Variants in GHR observed in about 807,000 individuals in gnomAD.
The protein encoded by GHR is growth hormone receptor.
GHR carries 35 observed loss-of-function variants against 67.1 expected under a neutral mutation model. The observed-to-expected ratio is 0.52, with a 90% CI of 0.40 to 0.69. The LOEUF is 0.69. Among genes scored for constraint, GHR ranks in the 30% least tolerant of loss-of-function variants. GHR has a pLI of 0.00. For missense variants in GHR, 792 were observed against 764.6 expected, an observed-to-expected ratio of 1.04 and a Z score of -0.42; for synonymous variants, 272 against 269.1, an observed-to-expected ratio of 1.01 and a Z score of -0.10.
chr5:42,687,099 T>A (rs1402022177), intron 3 of GHR, among the ~76,000 whole-genome samples: 1 of 152,022 alleles, frequency 6.6e-6, no homozygotes, highest in African/African-American at 2.4e-5. Context: ...ATAAAATACC[T>A]AGGAATACAA....
At chr5:42,709,834 C>T (rs1321076741) in intron 6 of GHR, among the ~76,000 whole-genome samples, 1 of 152,066 alleles carries the variant, frequency 6.6e-6, no homozygotes, top group Non-Finnish European at 1.5e-5. Flanking sequence ...AGGCAGATGA[C>T]AGGGTTAGGT....
At chr5:42,528,994 C>A (rs1561098241) in intron 1 of GHR, among the ~76,000 whole-genome samples, 1 of 150,408 alleles carries the variant, frequency 6.6e-6, no homozygotes, top group Non-Finnish European at 1.5e-5. Flanking sequence ...TACTAGACTA[C>A]AACAGATTAT....
At chr5:42,711,463 A>T in intron 7 of GHR, 91 bp downstream of exon 7, 1 of 873,282 alleles carries the variant, frequency 1.1e-6, no homozygotes, top group Admixed American at 1.7e-5. Context: ...GTGTTGTCCA[A>T]ATCAAAATAT....
chr5:42,510,475 AT>A (rs1413338794), intron 1 of GHR, among the ~76,000 whole-genome samples: 1 of 152,170 alleles, frequency 6.6e-6, no homozygotes, highest in Non-Finnish European at 1.5e-5. Context: ...CTATAACGCT[AT>A]TTATGTGTTC....
intron 1 of GHR, among the ~76,000 whole-genome samples, chr5:42,428,835 A>G (rs1742966705): frequency 6.6e-6 from 1 of 152,206 alleles, no homozygotes; most frequent in East Asian, 1.9e-4. Flanking sequence ...GGTCAAAGCC[A>G]TTCAACAAGT....
intron 2 of GHR, among the ~76,000 whole-genome samples, chr5:42,602,900 A>G (rs557835433): frequency 1.1e-4 from 16 of 152,276 alleles, no homozygotes; most frequent in African/African-American, 3.8e-4. Context: ...TTTATAGTAG[A>G]ATGAACATAT....
intron 1 of GHR, among the ~76,000 whole-genome samples, chr5:42,475,928 C>T (rs1376408466): frequency 4.3e-5 from 5 of 116,496 alleles, no homozygotes; most frequent in South Asian, 5.0e-4. Flanking sequence ...TTTTTTGAGA[C>T]GGAGTCTCGC....
intron 3 of GHR, among the ~76,000 whole-genome samples, chr5:42,664,475 G>A (rs946350317): frequency 3.3e-5 from 5 of 152,248 alleles, no homozygotes; most frequent in African/African-American, 9.6e-5. Flanking sequence ...ACAAACCTGA[G>A]AAAAACAAGC....
At chr5:42,649,850 G>C (rs951792169) in intron 3 of GHR, among the ~76,000 whole-genome samples, 4 of 152,148 alleles carry the variant, frequency 2.6e-5, no homozygotes, top group Non-Finnish European at 5.9e-5. Context: ...ACAAGGATTT[G>C]GTTTAACTGC....
intron 1 of GHR, among the ~76,000 whole-genome samples, chr5:42,425,251 G>T (rs1330514657): frequency 1.3e-5 from 2 of 152,184 alleles, no homozygotes; most frequent in Non-Finnish European, 2.9e-5. Flanking sequence ...ACAGACACAG[G>T]TTGGAGCTAT....
intron 1 of GHR, among the ~76,000 whole-genome samples, chr5:42,537,767 C>T (rs1398188565): frequency 6.6e-6 from 1 of 152,038 alleles, no homozygotes; most frequent in Non-Finnish European, 1.5e-5. Context: ...TTGAAGTCCC[C>T]ACTATTATTG....
At chr5:42,713,329 G>T in intron 7 of GHR, 100 bp from the exon 8 acceptor site, 1 of 721,820 alleles carries the variant, frequency 1.4e-6, no homozygotes, top group East Asian at 2.6e-5. Context: ...TTTATTAGAT[G>T]AATACAAATT....
At chr5:42,513,063 T>A (rs1054604666) in intron 1 of GHR, among the ~76,000 whole-genome samples, 1 of 152,200 alleles carries the variant, frequency 6.6e-6, no homozygotes, top group African/African-American at 2.4e-5. Flanking sequence ...TCCCCTCTGA[T>A]CTGAGTCCCA....
intron 2 of GHR, among the ~76,000 whole-genome samples, chr5:42,585,027 T>G (rs781649338): frequency 6.6e-6 from 1 of 152,214 alleles, no homozygotes; most frequent in Non-Finnish European, 1.5e-5. Context: ...TACAGTTCTA[T>G]GAACGTCAGT....
chr5:42,434,664 G>A (rs1273781247), intron 1 of GHR, among the ~76,000 whole-genome samples: 1 of 152,200 alleles, frequency 6.6e-6, no homozygotes, highest in East Asian at 1.9e-4. Context: ...GGAATAGCAT[G>A]TTGTTTATCT....
In GHR at chr5:42,606,819, G is replaced by A. The variant is rs556761870; in HGVS notation, c.71-22219G>A. Among the ~76,000 whole-genome samples the A allele has an allele frequency of 4.6e-4, 70 of 152,016 alleles. 1 individual carries two copies. In the South Asian group the frequency reaches 0.011, roughly 25 times the overall value. Reference sequence around the variant, plus strand: ...GAGAAACTAGGAGTTGGGCAATATCGCCTGTTCACTCTGTACTAAGCCTGA... The same window carrying A: ...GAGAAACTAGGAGTTGGGCAATATCACCTGTTCACTCTGTACTAAGCCTGA... On this transcript the variant is annotated intron_variant, in intron 2 of 9. Transcript: ENST00000230882.
At chr5:42,648,776 A>G (rs78851418) in intron 3 of GHR, among the ~76,000 whole-genome samples, 2,420 of 152,026 alleles carry the variant, frequency 0.016, 107 homozygotes, top group East Asian at 0.14. Context: ...TGAATTGGAA[A>G]TAGGGAGGTT....
chr5:42,455,442 T>C (rs1366230564), intron 1 of GHR, among the ~76,000 whole-genome samples: 1 of 152,226 alleles, frequency 6.6e-6, no homozygotes, highest in Non-Finnish European at 1.5e-5. Context: ...AATCCTTCTC[T>C]TTAGATAGCT....
intron 1 of GHR, among the ~76,000 whole-genome samples, chr5:42,448,189 G>A (rs908038892): frequency 1.3e-5 from 2 of 152,120 alleles, no homozygotes; most frequent in Non-Finnish European, 2.9e-5. Flanking sequence ...CATAGCGGCT[G>A]TACTAGTTTA....
Sources: allele counts gnomAD v4.1 joint callset (sites outside exome capture counted in the v4.1 genomes callset), GRCh38; gene constraint gnomAD v4.1.1; transcripts MANE v1.5; gene names NCBI Gene and HGNC (gene_info 2026-07-23, HGNC 2026-07-21).